Variants in IFT22 observed in about 807,000 individuals in gnomAD.
IFT22 encodes the protein intraflagellar transport protein 22 homolog.
Under a neutral mutation model 21.0 loss-of-function variants are expected in IFT22, and 13 were observed. That is an observed-to-expected ratio of 0.62 (90% CI 0.40 to 0.98). The LOEUF is 0.98. Among genes scored for constraint, IFT22 ranks in the 50% least tolerant of loss-of-function variants. The probability of loss-of-function intolerance (pLI) is 0.00; values close to 1 mark genes in which losing one functional copy is unlikely to be tolerated. For synonymous variants in IFT22, 67 were observed against 82.4 expected (o/e 0.81, Z 1.01); for missense variants, 227 against 228.9 (o/e 0.99, Z 0.06).
chr7:101,320,727 G>C (rs1460970004), intron 1 of IFT22, among the ~76,000 whole-genome samples: 3 of 152,132 alleles, frequency 2.0e-5, no homozygotes, highest in Non-Finnish European at 4.4e-5. Flanking sequence ...CCCAGGACTC[G>C]AGCAAAGGCT....
At chr7:101,320,894 C>T (rs1790324100) in intron 1 of IFT22, among the ~76,000 whole-genome samples, 1 of 152,092 alleles carries the variant, frequency 6.6e-6, no homozygotes, top group South Asian at 2.1e-4. Context: ...TCCCTATAAT[C>T]CCAGCACTGT....
At chr7:101,317,183 G>A (rs1303091444) in intron 3 of IFT22, among the ~76,000 whole-genome samples, 1 of 151,958 alleles carries the variant, frequency 6.6e-6, no homozygotes, top group Non-Finnish European at 1.5e-5. Flanking sequence ...TTGGAGACAA[G>A]AGTCTGGCTC....
Position 101,315,159 on chromosome 7 carries a change from C to T in IFT22, c.533G>A (p.Arg178Lys). ...IINSMSESRD[R>K]EEMSIMT ...CTAGGTCATAATTGACATCTCCTCC[C>T]TGTCTCTGCTCTCAGACATGGAGTT... The change falls in exon 5 of 5, where the codon AGG (arginine) becomes AAG (lysine). Residue 178 changes from arginine (R) to lysine (K), a missense_variant. By Grantham distance (26) the Arg-to-Lys change is conservative (BLOSUM62 2). Coordinates refer to ENST00000315322, the MANE Select transcript of IFT22 (RefSeq NM_022777.4). 6.2e-7 allele frequency: 1 copy of T among 1,613,790 alleles called. No individual in the cohort carries two copies. The highest frequency in any genetic ancestry group is 8.5e-7 in the Non-Finnish European group (1 of 1,179,918).
At position 101,314,920 on chromosome 7, in the gene IFT22, CA is replaced by C. The variant is rs1790095600; in HGVS notation, c.*213del. The C allele has an allele frequency of 1.3e-5, 7 of 531,396 alleles. No homozygotes were observed. In the East Asian group the frequency reaches 1.9e-4, roughly 14 times the overall value. The allele number at this position is 531,396 out of a possible 1,614,324, so 32.9% of individuals were successfully genotyped here. On this transcript the variant is annotated 3_prime_UTR_variant, in exon 5 of 5. Transcript: ENST00000315322. ...TGGGAAGTTCTGGGGCCAGGAAATC[CA>C]AATTTGATAATAGGATTTTCTCAAC... is the stretch of plus-strand genomic sequence containing the variant.
chr7:101,316,644 G>A, intron 3 of IFT22, 102 bp from the exon 4 acceptor site: 1 of 1,195,952 alleles, frequency 8.4e-7, no homozygotes, highest in Non-Finnish European at 1.2e-6. Context: ...GTCTATGACG[G>A]CTGGGCGTGG....
intron 2 of IFT22, 48 bp from the exon 3 acceptor site, chr7:101,318,261 T>C: frequency 6.7e-7 from 1 of 1,485,208 alleles, no homozygotes; most frequent in East Asian, 2.3e-5. Flanking sequence ...GGCTCACGCC[T>C]GTAATCTCAG....
In IFT22 at chr7:101,313,500, T is replaced by A. The variant is rs910405719; in HGVS notation, c.*1634A>T. 1.3e-5 allele frequency: 2 copies of A among 152,116 alleles called. No individual in the cohort carries two copies. Among genetic ancestry groups the A allele is most frequent in the African/African-American group, 4.8e-5 (2 of 41,368 alleles). 9.4% of individuals were successfully genotyped at this position (152,116 alleles called of 1,614,324 possible). On this transcript the variant is annotated 3_prime_UTR_variant, in exon 5 of 5. Transcript: ENST00000315322. Reference sequence around the variant, plus strand: ...GGCATGCCCCACCATGCCCAGCTAATTTTTGTATTTTTAGTAGAGACGGGG... The same window carrying A: ...GGCATGCCCCACCATGCCCAGCTAAATTTTGTATTTTTAGTAGAGACGGGG...
chr7:101,321,541 G>C, intron 1 of IFT22, 130 bp downstream of exon 1: 2 of 899,046 alleles, frequency 2.2e-6, no homozygotes, highest in South Asian at 1.7e-5. Context: ...GGCGCCAGTC[G>C]GGATGGGCGC....
At chr7:101,319,959 A>AT (rs1389265246) in intron 1 of IFT22, among the ~76,000 whole-genome samples, 2 of 143,646 alleles carry the variant, frequency 1.4e-5, no homozygotes, top group African/African-American at 5.2e-5. Context: ...TACAGGTTTT[A>AT]TTTTATTTTT....
At chr7:101,315,571 T>A (rs1236641502) in intron 4 of IFT22, 6 of 419,684 alleles carry the variant, frequency 1.4e-5, no homozygotes, top group South Asian at 7.9e-5. Flanking sequence ...AGGATGACTG[T>A]GTCACCTCTG....
At chr7:101,317,996 C>T (rs1404438742) in intron 3 of IFT22, 128 bp downstream of exon 3, 1 of 696,732 alleles carries the variant, frequency 1.4e-6, no homozygotes, top group Non-Finnish European at 2.6e-6. Flanking sequence ...TTGAACTCTT[C>T]TCCTCAGGTG....
chr7:101,321,725 C>G lies in IFT22; in HGVS notation c.-16G>C, dbSNP rs151026923. 3 of 1,590,792 alleles carry G rather than the reference C, an allele frequency of 1.9e-6. No individual in the cohort carries two copies. In the African/African-American group the frequency reaches 4.0e-5, roughly 21 times the overall value. ...CTTTCAGCATAGTTGTCCGCCGCGG[C>G]TTAGCCGGCCGGAGCCCACGGGAGG... is the stretch of plus-strand genomic sequence containing the variant. On this transcript the variant is annotated 5_prime_UTR_variant, in exon 1 of 5. Coordinates refer to ENST00000315322, the MANE Select transcript of IFT22 (RefSeq NM_022777.4).
intron 1 of IFT22, 197 bp downstream of exon 1, chr7:101,321,474 C>T (rs1387792874): frequency 1.7e-5 from 10 of 584,536 alleles, no homozygotes; most frequent in East Asian, 6.3e-5. Context: ...CCACTACCTC[C>T]TCCGGGCAGT....
intron 3 of IFT22, 120 bp from the exon 4 acceptor site, chr7:101,316,662 C>T: frequency 2.2e-6 from 2 of 906,424 alleles, no homozygotes; most frequent in Non-Finnish European, 1.7e-6. Flanking sequence ...TGGTGGCTCA[C>T]ACCTGTAATC....
chr7:101,315,332 C>T, intron 4 of IFT22, 50 bp from the exon 5 acceptor site: 1 of 1,587,790 alleles, frequency 6.3e-7, no homozygotes. Flanking sequence ...CATGAAGGGC[C>T]CTTTATAGCT....
At position 101,310,989 on chromosome 7, in the gene IFT22, A is replaced by ATTTTTTT; in HGVS notation, c.*4138_*4144dup. 4.5e-6 allele frequency: 1 copy of ATTTTTTT among 224,288 alleles called. No homozygotes were observed. The highest frequency in any genetic ancestry group is 8.6e-6 in the Non-Finnish European group (1 of 115,894). The allele number at this position is 224,288 out of a possible 1,614,324, so 13.9% of individuals were successfully genotyped here. Reference sequence around the variant, plus strand: ...CAGGTGAACAAAATCTGCTGGGTTAATTTTTTTTTTTTTTTTTTTTTTGAG... The same window carrying ATTTTTTT: ...CAGGTGAACAAAATCTGCTGGGTTAATTTTTTTTTTTTTTTTTTTTTTTTTTTTTGAG... On this transcript the variant is annotated 3_prime_UTR_variant, in exon 5 of 5. Transcript: ENST00000315322.
At position 101,321,808 on chromosome 7, in the gene IFT22, G is replaced by T. The variant is rs570437103; in HGVS notation, c.-99C>A. The T allele has an allele frequency of 6.9e-5, 78 of 1,134,348 alleles. No homozygotes were observed. In the East Asian group the frequency reaches 1.0e-3, roughly 15 times the overall value. 70.3% of individuals were successfully genotyped at this position (1,134,348 alleles called of 1,614,324 possible). On this transcript the variant is annotated 5_prime_UTR_variant, in exon 1 of 5. Coordinates refer to ENST00000315322, the MANE Select transcript of IFT22 (RefSeq NM_022777.4). The stretch of plus-strand genomic sequence containing the variant: ...TTTCGTTTCCATGGCGACGGAGAGA[G>T]GCCCGCAGGGCCGACGGGACTCGGC...
At chr7:101,319,112 G>A in intron 1 of IFT22, 80 bp from the exon 2 acceptor site, 1 of 1,413,616 alleles carries the variant, frequency 7.1e-7, no homozygotes, top group African/African-American at 1.4e-5. Context: ...GAGGTGGCCT[G>A]GAACCCGGTG....
At chr7:101,316,119 C>T (rs1038162201) in intron 4 of IFT22, 23 of 537,056 alleles carry the variant, frequency 4.3e-5, no homozygotes, top group Non-Finnish European at 7.4e-5. Flanking sequence ...CTGCCTTAGC[C>T]CCCTGAGTAG....
Sources: gnomAD v4.1 joint callset for allele counts (sites outside exome capture counted in the v4.1 genomes callset) on GRCh38, gnomAD v4.1.1 for gene constraint, MANE v1.5 for transcripts, NCBI Gene and HGNC (gene_info 2026-07-23, HGNC 2026-07-21) for gene names.